ARHGAP17: variants seen among roughly 807,000 people sequenced by gnomAD.
ARHGAP17 encodes rho GTPase-activating protein 17.
ARHGAP17 carries 57 observed loss-of-function variants against 99.5 expected under a neutral mutation model. The ratio of observed to expected loss-of-function variants is 0.57; its 90% CI spans 0.46 to 0.71. The LOEUF (loss-of-function observed/expected upper bound fraction) is 0.71. Among genes scored for constraint, ARHGAP17 ranks in the 30% least tolerant of loss-of-function variants. The pLI is 0.00. For missense variants in ARHGAP17, 1,000 were observed against 1,122.4 expected (o/e 0.89, Z 1.56); for synonymous variants, 417 against 429.6 (o/e 0.97, Z 0.36).
chr16:24,997,533 T>C (rs1323478878), intron 1 of ARHGAP17, among the ~76,000 whole-genome samples: 1 of 152,206 alleles, frequency 6.6e-6, no homozygotes, highest in Non-Finnish European at 1.5e-5. Context: ...GGGAAAGATA[T>C]GCTGCCGGGT....
intron 1 of ARHGAP17, among the ~76,000 whole-genome samples, chr16:24,980,196 G>A (rs1035350823): frequency 9.9e-5 from 15 of 152,164 alleles, no homozygotes; most frequent in Non-Finnish European, 4.4e-5. Context: ...GAATGACCTC[G>A]AAATGCTGCT....
At chr16:24,967,651 T>C (rs1301596858) in intron 6 of ARHGAP17, among the ~76,000 whole-genome samples, 1 of 151,824 alleles carries the variant, frequency 6.6e-6, no homozygotes, top group Non-Finnish European at 1.5e-5. Context: ...ATCTCCAAGC[T>C]GTGGCATGTG....
chr16:24,953,010 C>A lies in ARHGAP17; in HGVS notation c.885G>T (p.Lys295Asn). ...CCAAAGCAGCTTTCAGCTTCTTTAA[C>A]TTGGAGGCCCCAGCCCCAATTCGGA... ...GLFRIGAGAS[K>N]LKKLKAALDC... The change falls in exon 11 of 20, where the codon AAG becomes AAT. Residue 295 changes from lysine to asparagine, a missense_variant. Lys to Asn is a moderately conservative substitution (Grantham distance 94). Coordinates refer to ENST00000289968, the MANE Select transcript of ARHGAP17 (RefSeq NM_001006634.3). 1 of 1,614,180 alleles carries A rather than the reference C, an allele frequency of 6.2e-7. No individual in the cohort carries two copies. The highest frequency in any genetic ancestry group is 1.1e-5 in the South Asian group (1 of 91,076).
At chr16:24,923,828 C>A (rs191755008) in intron 19 of ARHGAP17, among the ~76,000 whole-genome samples, 6 of 151,892 alleles carry the variant, frequency 4.0e-5, no homozygotes, top group Admixed American at 2.6e-4. Flanking sequence ...AGATTTGGGG[C>A]TCTGACAAAT....
intron 3 of ARHGAP17, chr16:24,972,717 A>G (rs2052402284): frequency 6.6e-6 from 1 of 152,188 alleles, no homozygotes; most frequent in Non-Finnish European, 1.5e-5. Context: ...AAATAATAGA[A>G]AACTCTATTT....
In ARHGAP17 at chr16:24,968,387, G is replaced by C; in HGVS notation, c.425C>G (p.Ala142Gly). 1 of 1,614,216 alleles carries C rather than the reference G, an allele frequency of 6.2e-7. No homozygotes were observed. The highest frequency in any genetic ancestry group is 8.5e-7 in the Non-Finnish European group (1 of 1,180,034). Residue 142 changes from alanine (A) to glycine (G), a missense_variant, in exon 6 of 20, where the codon GCA (alanine) becomes GGA (glycine). Physicochemically the swap from Ala to Gly is moderately conservative, Grantham distance 60. Coordinates refer to ENST00000289968, the MANE Select transcript of ARHGAP17 (RefSeq NM_001006634.3). ...TGAATCCCAGTCTAACACCAATCTTGCAAGCTGCTTCCTCTGCTTCTGGAT... is the reference window on the plus strand; with the variant it reads ...TGAATCCCAGTCTAACACCAATCTTCCAAGCTGCTTCCTCTGCTTCTGGAT... ...PNIQKQRKQL[A>G]RLVLDWDSVR...
rs777033645 is a variant in ARHGAP17 at position 24,939,496 on chromosome 16, T to G, written c.1592A>C (p.Asp531Ala). The G allele has an allele frequency of 6.2e-7, 1 of 1,612,034 alleles. No homozygotes were observed. Among genetic ancestry groups the G allele is most frequent in the South Asian group, 1.1e-5 (1 of 90,360 alleles). The change falls in exon 17 of 20, where the codon GAT becomes GCT. Residue 531 changes from aspartate to alanine, a missense_variant. Physicochemically the swap from Asp to Ala is moderately radical, Grantham distance 126. Transcript: ENST00000289968. ...GCCAGCGGGCACCACGGTGCTGCCA[T>G]CTGTGGGCGGAAGTGGCGGCTGGAA... Reference protein sequence around the residue: ...PAFQPPLPPTDGSTVVPAGPE... With the variant: ...PAFQPPLPPTAGSTVVPAGPE...
In ARHGAP17 at chr16:24,952,805, G is replaced by A. The variant is rs76049217; in HGVS notation, c.964+126C>T. On this transcript the variant is annotated intron_variant, in intron 11 of 19. Transcript: ENST00000289968. ...TATATACACTAAGGAATTGTAGCAAGAGCCACTTCGGTTTTGTCACTTAAA... is the reference window on the plus strand; with the variant it reads ...TATATACACTAAGGAATTGTAGCAAAAGCCACTTCGGTTTTGTCACTTAAA... 7,337 of 768,004 alleles carry A rather than the reference G, an allele frequency of 9.6e-3. 385 individuals are homozygous for A. In the African/African-American group the frequency reaches 0.11, roughly 12 times the overall value. 47.6% of individuals were successfully genotyped at this position (768,004 alleles called of 1,614,324 possible).
rs1461325290 is a variant in ARHGAP17, at chr16:24,964,412, C to T, written c.462-104G>A. The T allele has an allele frequency of 3.8e-6, 3 of 780,742 alleles. No homozygotes were observed. In the Admixed American group the frequency reaches 7.4e-5, roughly 19 times the overall value. The allele number at this position is 780,742 out of a possible 1,614,324, so 48.4% of individuals were successfully genotyped here. A position where few individuals can be genotyped will look rare whatever the true frequency, so the allele number is the denominator to read the frequency against. On this transcript the variant is annotated intron_variant, in intron 6 of 19. Transcript: ENST00000289968. ...AGATCCTTCCCCACAATTGATTCTA[C>T]CTGGAAGGGGTATCATTGCCCAGGA...
intron 12 of ARHGAP17, 89 bp from the exon 13 acceptor site, chr16:24,949,573 G>A: frequency 3.6e-6 from 4 of 1,096,598 alleles, no homozygotes; most frequent in Non-Finnish European, 4.0e-6. Flanking sequence ...CCTCCATTTT[G>A]ACAGAGAAAG....
At chr16:24,933,865 G>A (rs899770960) in intron 18 of ARHGAP17, among the ~76,000 whole-genome samples, 2 of 152,054 alleles carry the variant, frequency 1.3e-5, no homozygotes, top group Admixed American at 6.5e-5. Context: ...CTGTGATTTC[G>A]GGAAGCATGA....
At chr16:24,964,350 G>GTA in intron 6 of ARHGAP17, 42 bp from the exon 7 acceptor site, 1 of 1,365,206 alleles carries the variant, frequency 7.3e-7, no homozygotes, top group Non-Finnish European at 1.0e-6. Flanking sequence ...AACCAGCTGT[G>GTA]TATACTCAAC....
intron 1 of ARHGAP17, among the ~76,000 whole-genome samples, chr16:24,988,351 T>C (rs1020637405): frequency 3.3e-5 from 5 of 152,130 alleles, no homozygotes; most frequent in Non-Finnish European, 7.4e-5. Flanking sequence ...AAAAAATTGT[T>C]CCCATGCCTA....
At position 24,939,421 on chromosome 16, in the gene ARHGAP17, C is replaced by T; in HGVS notation, c.1667G>A (p.Gly556Glu). Residue 556 changes from glycine (G) to glutamate (E), a missense_variant, in exon 17 of 20, where the codon GGG becomes GAG. Physicochemically the swap from Gly to Glu is moderately conservative, Grantham distance 98. Transcript: ENST00000289968. ...SSRAESSSGG[G>E]TVPSSAGILE... ...TATGCCCGCGGAAGAGGGGACAGTC[C>T]CACCCCCAGAGCTGCTTTCAGCCCT... is the stretch of plus-strand genomic sequence containing the variant. 1.2e-6 allele frequency: 2 copies of T among 1,611,704 alleles called. No homozygotes were observed. Among genetic ancestry groups the T allele is most frequent in the Non-Finnish European group, 1.7e-6 (2 of 1,179,868 alleles).
chr16:24,974,294 G>T (rs2052452449), intron 3 of ARHGAP17, among the ~76,000 whole-genome samples: 1 of 152,212 alleles, frequency 6.6e-6, no homozygotes, highest in Non-Finnish European at 1.5e-5. Flanking sequence ...AGCCAGGCTT[G>T]GTGGCGTGCA....
At chr16:24,995,569 A>G (rs1209479406) in intron 1 of ARHGAP17, among the ~76,000 whole-genome samples, 5 of 152,254 alleles carry the variant, frequency 3.3e-5, no homozygotes, top group African/African-American at 4.8e-5. Flanking sequence ...TGCTGAATAC[A>G]TAAGTGACTA....
intron 18 of ARHGAP17, among the ~76,000 whole-genome samples, chr16:24,932,057 G>A (rs1307516832): frequency 6.6e-6 from 1 of 151,046 alleles, no homozygotes; most frequent in Non-Finnish European, 1.5e-5. Flanking sequence ...GTCCAAGGCT[G>A]CAGTGATCAC....
At chr16:24,931,818 G>A (rs773010336) in intron 18 of ARHGAP17, among the ~76,000 whole-genome samples, 1 of 152,134 alleles carries the variant, frequency 6.6e-6, no homozygotes, top group African/African-American at 2.4e-5. Context: ...GTGGAGTCTA[G>A]TTAATGGTAA....
chr16:24,960,779 T>C (rs2051968530), intron 7 of ARHGAP17, among the ~76,000 whole-genome samples: 1 of 145,940 alleles, frequency 6.9e-6, no homozygotes, highest in Non-Finnish European at 1.5e-5. Context: ...ATTGTGCCAC[T>C]GCACTCCAGC....
Sources: allele counts gnomAD v4.1 joint callset (sites outside exome capture counted in the v4.1 genomes callset), GRCh38; gene constraint gnomAD v4.1.1; transcripts MANE v1.5; gene names NCBI Gene and HGNC (gene_info 2026-07-23, HGNC 2026-07-21).